ADAMTS2: variants seen among roughly 807,000 people sequenced by gnomAD.
The protein encoded by ADAMTS2 is A disintegrin and metalloproteinase with thrombospondin motifs 2.
In ADAMTS2, 50 loss-of-function variants were observed where a neutral mutation model predicts 123.0. The ratio of observed to expected loss-of-function variants is 0.41; its 90% CI spans 0.32 to 0.51. The LOEUF is 0.51. ADAMTS2 is among the 20% of genes least tolerant of loss of function. The pLI, the probability that ADAMTS2 is intolerant of heterozygous loss-of-function variation, is 0.35. For missense variants in ADAMTS2, 1,494 were observed against 1,705.2 expected (o/e 0.88, Z 2.18); for synonymous variants, 678 against 695.4 (o/e 0.98, Z 0.39).
intron 3 of ADAMTS2, among the ~76,000 whole-genome samples, chr5:179,238,238 C>T (rs571740672): frequency 4.9e-4 from 74 of 152,308 alleles, no homozygotes; most frequent in African/African-American, 1.6e-3. Context: ...GAACCGCAGA[C>T]GTCTCTCCAG....
intron 3 of ADAMTS2, among the ~76,000 whole-genome samples, chr5:179,209,062 G>A (rs1561806684): frequency 1.3e-5 from 2 of 152,342 alleles, no homozygotes; most frequent in South Asian, 4.1e-4. Flanking sequence ...CTGTGAGGGT[G>A]GCCCAGGACA....
chr5:179,162,409 CA>C lies in ADAMTS2; in HGVS notation c.976-3531del, dbSNP rs1393895140. 6.6e-6 allele frequency among the ~76,000 whole-genome samples: 1 copy of C among 152,172 alleles called. No homozygotes were observed. ...CCCCCCTGCACTACAGGAGACCCCCCACCAAGGATTAAAGGAGGATGAGACC... is the reference window on the plus strand; with the variant it reads ...CCCCCCTGCACTACAGGAGACCCCCCCCAAGGATTAAAGGAGGATGAGACC... On this transcript the variant is annotated intron_variant, in intron 5 of 21. Transcript: ENST00000251582. This position sits in a 1 kb window ranked among gnomAD's most constrained non-coding sequence, Gnocchi z 5.1.
chr5:179,237,760 AG>A (rs1253735884), intron 3 of ADAMTS2, among the ~76,000 whole-genome samples: 2 of 152,108 alleles, frequency 1.3e-5, no homozygotes, highest in Non-Finnish European at 2.9e-5. Flanking sequence ...AAATGGTGAA[AG>A]GAAGGAGGCA....
chr5:179,126,382 C>T (rs562665254), intron 17 of ADAMTS2, among the ~76,000 whole-genome samples: 3 of 152,178 alleles, frequency 2.0e-5, no homozygotes, highest in Non-Finnish European at 2.9e-5. Context: ...GCTCCTGGGT[C>T]AGAGTGGAGG....
At chr5:179,252,001 TTTC>T (rs1029109813) in intron 3 of ADAMTS2, among the ~76,000 whole-genome samples, 2 of 151,088 alleles carry the variant, frequency 1.3e-5, no homozygotes, top group South Asian at 2.1e-4. Context: ...TTTTTTTCTT[TTTC>T]TTTTCTTTTT....
rs540517884 is a variant in ADAMTS2, at chr5:179,121,849, T to C, written c.3089-99A>G. On this transcript the variant is annotated intron_variant, in intron 20 of 21. Coordinates refer to ENST00000251582, the MANE Select transcript of ADAMTS2 (RefSeq NM_014244.5). ...GGTCTCCCGGGGTCCTGGGGAAGCG[T>C]CATTCAAGGCCCTCGCCTCCCCGGG... The C allele has an allele frequency of 3.4e-5, 27 of 785,802 alleles. No homozygotes were observed. The African/African-American group carries it at 3.8e-4, about 11-fold the overall frequency. 48.7% of individuals were successfully genotyped at this position (785,802 alleles called of 1,614,324 possible). A position where few individuals can be genotyped will look rare whatever the true frequency, so the allele number is the denominator to read the frequency against.
At chr5:179,336,386 G>A (rs750238669) in intron 2 of ADAMTS2, among the ~76,000 whole-genome samples, 8 of 152,360 alleles carry the variant, frequency 5.3e-5, no homozygotes, top group Admixed American at 6.5e-5. Context: ...GAAGACCCCC[G>A]GAGGCGGACG....
chr5:179,303,060 G>C lies in ADAMTS2; in HGVS notation c.535-29996C>G, dbSNP rs1046750075. ...CAGACTGCACAGAGCTTCCTCTGCT[G>C]TGGGGAGGAGATTGGATTTTCTCCT... On this transcript the variant is annotated intron_variant, in intron 2 of 21. Transcript: ENST00000251582. This position sits in a 1 kb window ranked among gnomAD's most constrained non-coding sequence, Gnocchi z 4.7. 6.6e-6 allele frequency among the ~76,000 whole-genome samples: 1 copy of C among 152,014 alleles called. No homozygotes were observed. Among genetic ancestry groups the C allele is most frequent in the Admixed American group, 6.5e-5 (1 of 15,268 alleles).
chr5:179,181,128 A>C lies in ADAMTS2; in HGVS notation c.919T>G (p.Leu307Val). Residue 307 changes from leucine (L) to valine (V), a missense_variant, in exon 5 of 22, where the codon TTG (leucine) becomes GTG (valine). Transcript: ENST00000251582. This position sits in a 1 kb window ranked among gnomAD's most constrained non-coding sequence, Gnocchi z 4.1. ...AGGACCACGTTGATGTGGGCACCCA[A>C]GGACTCGTCATGGTAGATTTCATTG... is the stretch of plus-strand genomic sequence containing the variant. The part of the protein sequence containing the change: ...IVNEIYHDES[L>V]GAHINVVLVR... 6.2e-7 allele frequency: 1 copy of C among 1,613,938 alleles called. No homozygotes were observed. Among genetic ancestry groups the C allele is most frequent in the Non-Finnish European group, 8.5e-7 (1 of 1,179,918 alleles).
intron 2 of ADAMTS2, among the ~76,000 whole-genome samples, chr5:179,319,067 C>A (rs574073615): frequency 6.6e-6 from 1 of 152,360 alleles, no homozygotes; most frequent in South Asian, 2.1e-4. Context: ...CAGGCCCCCA[C>A]ACACATGCAT....
At chr5:179,193,255 C>T (rs535502769) in intron 4 of ADAMTS2, among the ~76,000 whole-genome samples, 31 of 152,356 alleles carry the variant, frequency 2.0e-4, no homozygotes, top group Middle Eastern at 6.8e-3. Flanking sequence ...TCTTCCCAGA[C>T]ATCATGGGCC....
intron 19 of ADAMTS2, among the ~76,000 whole-genome samples, chr5:179,124,273 G>C (rs1762813744): frequency 6.6e-6 from 1 of 152,148 alleles, no homozygotes; most frequent in Non-Finnish European, 1.5e-5. Flanking sequence ...ATGTGACCGG[G>C]CTGTCAGAGC....
chr5:179,133,809 C>T lies in ADAMTS2; in HGVS notation c.2086-909G>A, dbSNP rs151285949. On this transcript the variant is annotated intron_variant, in intron 13 of 21. Coordinates refer to ENST00000251582, the MANE Select transcript of ADAMTS2 (RefSeq NM_014244.5). Reference sequence around the variant, plus strand: ...TCTTGGCTCACTGCAGCCTCCGCCTCCCAGGTTCAAGTGAGTCTCCTGCCT... The same window carrying T: ...TCTTGGCTCACTGCAGCCTCCGCCTTCCAGGTTCAAGTGAGTCTCCTGCCT... Among the ~76,000 whole-genome samples, 353 of 151,968 alleles carry T rather than the reference C, an allele frequency of 2.3e-3. 1 individual carries two copies. Among genetic ancestry groups the T allele is most frequent in the African/African-American group, 8.3e-3 (343 of 41,422 alleles).
intron 3 of ADAMTS2, among the ~76,000 whole-genome samples, chr5:179,258,871 C>A (rs1766138773): frequency 6.6e-6 from 1 of 152,024 alleles, no homozygotes; most frequent in Non-Finnish European, 1.5e-5. Flanking sequence ...GTATCCCCCT[C>A]TGACCAACCT....
chr5:179,164,620 T>C (rs1763664039), intron 5 of ADAMTS2, among the ~76,000 whole-genome samples: 1 of 151,996 alleles, frequency 6.6e-6, no homozygotes, highest in Non-Finnish European at 1.5e-5. Context: ...CACGGCAATG[T>C]CTTTCCTGGC....
chr5:179,254,299 T>A (rs1179257307), intron 3 of ADAMTS2, among the ~76,000 whole-genome samples: 1 of 152,164 alleles, frequency 6.6e-6, no homozygotes, highest in African/African-American at 2.4e-5. Context: ...AAAGGCCACA[T>A]ATTATCAATT....
At chr5:179,266,678 G>A (rs919970232) in intron 3 of ADAMTS2, among the ~76,000 whole-genome samples, 1 of 152,224 alleles carries the variant, frequency 6.6e-6, no homozygotes. Context: ...GATGGACGTC[G>A]ACAGCTACAG....
chr5:179,173,549 C>T (rs1443355206), intron 5 of ADAMTS2, among the ~76,000 whole-genome samples: 1 of 152,168 alleles, frequency 6.6e-6, no homozygotes, highest in Admixed American at 6.5e-5. Flanking sequence ...CTTAACTAGA[C>T]CACTATTATT....
intron 2 of ADAMTS2, among the ~76,000 whole-genome samples, chr5:179,284,155 C>T (rs1755931154): frequency 6.6e-6 from 1 of 150,674 alleles, no homozygotes; most frequent in Admixed American, 6.6e-5. Context: ...ATGGTGAAAC[C>T]CCGTCTCTAC....
Sources: allele counts gnomAD v4.1 joint callset (sites outside exome capture counted in the v4.1 genomes callset), GRCh38; gene constraint gnomAD v4.1.1; non-coding constraint Gnocchi (gnomAD v3.1); transcripts MANE v1.5; gene names NCBI Gene and HGNC (gene_info 2026-07-23, HGNC 2026-07-21).